The following HYCC1 variants were observed in gnomAD, a reference collection of about 807,000 sequenced individuals.
HYCC1 encodes hyccin PI4KA lipid kinase complex subunit 1.
chr7:22,919,090 G>A, the HYCC1 span, among the ~76,000 whole-genome samples: 3 of 152,230 alleles, frequency 2.0e-5, no homozygotes, highest in South Asian at 6.2e-4. Flanking sequence ...TCTGAGACAT[G>A]CAAAGAAACA....
chr7:23,008,227 C>T, the HYCC1 span, among the ~76,000 whole-genome samples: 141 of 152,094 alleles, frequency 9.3e-4, no homozygotes, highest in African/African-American at 3.1e-3. Context: ...CGAGAATTAG[C>T]CATCTTTCTA....
At chr7:23,004,858 T>G in the HYCC1 span, among the ~76,000 whole-genome samples, 1 of 152,094 alleles carries the variant, frequency 6.6e-6, no homozygotes, top group Non-Finnish European at 1.5e-5. Context: ...CAGGCTGGAG[T>G]GCAATGGTGC....
At chr7:23,006,118 T>C in the HYCC1 span, among the ~76,000 whole-genome samples, 4 of 152,176 alleles carry the variant, frequency 2.6e-5, no homozygotes, top group African/African-American at 7.2e-5. Context: ...ATTGTCCCCA[T>C]AGGAAGGGAA....
chr7:22,976,316 A>C, the HYCC1 span: 6 of 1,583,534 alleles, frequency 3.8e-6, no homozygotes, highest in Non-Finnish European at 5.2e-6. Flanking sequence ...CTAAAGACAA[A>C]CAAAAAGAAT....
chr7:22,905,450 G>A, the HYCC1 span, among the ~76,000 whole-genome samples: 1 of 120,736 alleles, frequency 8.3e-6, no homozygotes. Flanking sequence ...GGCCGGGCTA[G>A]TCTTGAACTC....
At chr7:22,973,126 T>C in the HYCC1 span, among the ~76,000 whole-genome samples, 4 of 152,204 alleles carry the variant, frequency 2.6e-5, no homozygotes, top group Admixed American at 6.5e-5. Flanking sequence ...AGATGGCCCA[T>C]GTAACAGCAG....
the HYCC1 span, chr7:22,964,425 A>T: frequency 7.0e-6 from 11 of 1,576,510 alleles, no homozygotes; most frequent in Non-Finnish European, 9.6e-6. Flanking sequence ...AAGGCAAAAT[A>T]AATCCCTGTT....
At chr7:22,921,961 A>G in the HYCC1 span, among the ~76,000 whole-genome samples, 1 of 152,198 alleles carries the variant, frequency 6.6e-6, no homozygotes, top group East Asian at 1.9e-4. Context: ...GCAAACAGTA[A>G]GAAAAACTCA....
chr7:22,926,170 C>T, the HYCC1 span, among the ~76,000 whole-genome samples: 2 of 152,198 alleles, frequency 1.3e-5, no homozygotes, highest in East Asian at 3.9e-4. Flanking sequence ...CCTAAAAGAG[C>T]TCCTGAAGGA....
At chr7:22,928,996 T>C in the HYCC1 span, among the ~76,000 whole-genome samples, 18 of 152,008 alleles carry the variant, frequency 1.2e-4, no homozygotes, top group African/African-American at 4.3e-4. Flanking sequence ...AACAGAGATA[T>C]AGACCAATGG....
the HYCC1 span, chr7:22,945,622 A>C: frequency 6.2e-7 from 1 of 1,612,788 alleles, no homozygotes; most frequent in Non-Finnish European, 8.5e-7. Flanking sequence ...TAATACTAGG[A>C]GGTCTCTGCT....
the HYCC1 span, among the ~76,000 whole-genome samples, chr7:22,931,245 CA>C: frequency 4.6e-5 from 3 of 65,908 alleles, no homozygotes; most frequent in Non-Finnish European, 9.0e-5. Flanking sequence ...CAAGGAATGC[CA>C]AAAAAAAAGA....
chr7:22,922,651 T>C, the HYCC1 span, among the ~76,000 whole-genome samples: 1 of 152,232 alleles, frequency 6.6e-6, no homozygotes, highest in African/African-American at 2.4e-5. Flanking sequence ...GGACCATCTG[T>C]ATATGTTGTC....
At chr7:22,993,681 T>C in the HYCC1 span, among the ~76,000 whole-genome samples, 3 of 150,924 alleles carry the variant, frequency 2.0e-5, no homozygotes, top group South Asian at 6.3e-4. Context: ...AAATACACCA[T>C]ACAAACACAC....
chr7:22,986,118 C>T, the HYCC1 span, among the ~76,000 whole-genome samples: 2 of 151,804 alleles, frequency 1.3e-5, no homozygotes, highest in African/African-American at 4.8e-5. Context: ...CTGACCGTCA[C>T]GAGGTAAAAT....
the HYCC1 span, chr7:22,945,978 CTTT>C: frequency 6.2e-7 from 1 of 1,613,574 alleles, no homozygotes. Flanking sequence ...GTTTCTTTTT[CTTT>C]TCCTCCAGTT....
chr7:22,977,809 C>G, the HYCC1 span, among the ~76,000 whole-genome samples: 1 of 152,050 alleles, frequency 6.6e-6, no homozygotes, highest in African/African-American at 2.4e-5. Context: ...GAATACCATA[C>G]GAATTAACAT....
chr7:22,915,998 A>G, the HYCC1 span, among the ~76,000 whole-genome samples: 1 of 151,908 alleles, frequency 6.6e-6, no homozygotes, highest in Non-Finnish European at 1.5e-5. Context: ...ACCTTAATCC[A>G]CAAGTATGGG....
the HYCC1 span, among the ~76,000 whole-genome samples, chr7:22,994,109 T>G: frequency 1.3e-5 from 2 of 152,154 alleles, no homozygotes; most frequent in Non-Finnish European, 2.9e-5. Flanking sequence ...GCCTCTCAAG[T>G]AGCTGAGACT....
Sources: allele counts gnomAD v4.1 joint callset (sites outside exome capture counted in the v4.1 genomes callset), GRCh38; gene constraint gnomAD v4.1.1; transcripts MANE v1.5; gene names NCBI Gene and HGNC (gene_info 2026-07-23, HGNC 2026-07-21).